ABCB9: variants seen among roughly 807,000 people sequenced by gnomAD.
The protein encoded by ABCB9 is ATP binding cassette subfamily B member 9.
Under a neutral mutation model 62.0 loss-of-function variants are expected in ABCB9, and 36 were observed. The ratio of observed to expected loss-of-function variants is 0.58; its 90% CI spans 0.45 to 0.77. The LOEUF (loss-of-function observed/expected upper bound fraction) is 0.77, where lower values mean the gene tolerates loss of function less well. ABCB9 is among the 30% of genes least tolerant of loss of function. The probability of loss-of-function intolerance (pLI) is 0.00; values close to 1 mark genes in which losing one functional copy is unlikely to be tolerated. For missense variants in ABCB9, 943 were observed against 1,054.7 expected, an observed-to-expected ratio of 0.89 and a Z score of 1.47; for synonymous variants, 435 against 461.4, an observed-to-expected ratio of 0.94 and a Z score of 0.73.
chr12:122,947,357 C>A lies in ABCB9; in HGVS notation c.1054-1135G>T. On this transcript the variant is annotated intron_variant, in intron 5 of 11. Coordinates refer to ENST00000280560, the MANE Select transcript of ABCB9 (RefSeq NM_019625.4). This position sits in a 1 kb window ranked among gnomAD's most constrained non-coding sequence, Gnocchi z 6.0. ...TCGGGAAGAGGTCCTACCTGTGTGGCTGGAGAAGACTGTGGGGAGTGGCCT... is the reference window on the plus strand; with the variant it reads ...TCGGGAAGAGGTCCTACCTGTGTGGATGGAGAAGACTGTGGGGAGTGGCCT... 1 of 331,906 alleles carries A rather than the reference C, an allele frequency of 3.0e-6. No individual in the cohort carries two copies. 20.6% of individuals were successfully genotyped at this position (331,906 alleles called of 1,614,324 possible).
rs142777722 is a variant in ABCB9 at position 122,930,078 on chromosome 12, C to A, written c.2134G>T (p.Val712Leu). Residue 712 changes from valine (V) to leucine (L), a missense_variant, in exon 12 of 12, where the codon GTG becomes TTG. Val to Leu is a conservative substitution (Grantham distance 32, BLOSUM62 1). Coordinates refer to ENST00000280560, the MANE Select transcript of ABCB9 (RefSeq NM_019625.4). The surrounding 1 kb of genome is among the most constrained non-coding windows in gnomAD (Gnocchi z 4.9). ...STVEHAHLIVVLDKGRVVQQG... is the reference protein window; with the variant it reads ...STVEHAHLIVLLDKGRVVQQG... ...TGCACTACGCGGCCCTTGTCCAGCA[C>A]CACAATGAGGTGCGCGTGCTCCACG... The A allele has an allele frequency of 1.5e-4, 228 of 1,564,708 alleles. No homozygotes were observed. Among genetic ancestry groups the A allele is most frequent in the Admixed American group, 1.3e-4 (7 of 52,232 alleles).
intron 7 of ABCB9, among the ~76,000 whole-genome samples, chr12:122,942,378 A>C (rs970555072): frequency 9.9e-5 from 15 of 152,010 alleles, no homozygotes; most frequent in Admixed American, 9.8e-4. Flanking sequence ...ATTTGAGGTC[A>C]GAAGTTCGAG....
rs1345549019 is a variant in ABCB9 at position 122,940,102 on chromosome 12, T to G, written c.1743+9A>C. The G allele has an allele frequency of 1.9e-6, 3 of 1,607,540 alleles. No individual in the cohort carries two copies. The highest frequency in any genetic ancestry group is 2.5e-6 in the Non-Finnish European group (3 of 1,177,290). ...GGCGGAGAAGTGTGGCCCAGGCCCG[T>G]GCACATACCACACGGTGCAAGTACT... On this transcript the variant is annotated intron_variant, in intron 9 of 11. Coordinates refer to ENST00000280560, the MANE Select transcript of ABCB9 (RefSeq NM_019625.4). The surrounding 1 kb of genome is among the most constrained non-coding windows in gnomAD (Gnocchi z 4.8).
Position 122,930,010 on chromosome 12 carries a change from G to A in ABCB9, c.2202C>T (p.Tyr734=), listed in dbSNP as rs759382689. The change falls in exon 12 of 12, where the codon TAC becomes TAT. Residue 734 remains tyrosine (Y), a synonymous_variant. Coordinates refer to ENST00000280560, the MANE Select transcript of ABCB9 (RefSeq NM_019625.4). This position sits in a 1 kb window ranked among gnomAD's most constrained non-coding sequence, Gnocchi z 4.9. ...HQQLLAQGGL[Y]AKLVQRQMLG... is the part of the protein sequence containing the mutation. Reference sequence around the variant, plus strand: ...GCATCTGCCGCTGCACCAGCTTGGCGTAGAGGCCGCCCTGGGCCAGCAGCT... The same window carrying A: ...GCATCTGCCGCTGCACCAGCTTGGCATAGAGGCCGCCCTGGGCCAGCAGCT... 29 of 1,574,376 alleles carry A rather than the reference G, an allele frequency of 1.8e-5. 1 individual carries two copies. The highest frequency in any genetic ancestry group is 1.7e-4 in the Middle Eastern group (1 of 5,864).
rs1348558071 is a variant in ABCB9, at chr12:122,932,518, A to T, written c.1904-190T>A. On this transcript the variant is annotated intron_variant, in intron 10 of 11. Transcript: ENST00000280560. The surrounding 1 kb of genome is among the most constrained non-coding windows in gnomAD (Gnocchi z 4.7). ...AGATTAAGCCTACATGCAAATTGAT[A>T]GCAAGTTACCAATTTTCACTCATTC... Among the ~76,000 whole-genome samples the T allele has an allele frequency of 6.6e-6, 1 of 152,216 alleles. No individual in the cohort carries two copies. The highest frequency in any genetic ancestry group is 1.9e-4 in the East Asian group (1 of 5,200).
intron 1 of ABCB9, among the ~76,000 whole-genome samples, chr12:122,971,599 G>A (rs2037271586): frequency 6.6e-6 from 1 of 151,854 alleles, no homozygotes; most frequent in Non-Finnish European, 1.5e-5. Flanking sequence ...GATCATAGGT[G>A]TGCCACCACA....
At chr12:122,969,174 A>AACC (rs2037242154), upstream of ABCB9, among the ~76,000 whole-genome samples, 2 of 138,378 alleles carry the variant, frequency 1.4e-5, no homozygotes, top group African/African-American at 2.7e-5. Flanking sequence ...CATCCTTTCC[A>AACC]CCCCCCCCCC....
intron 6 of ABCB9, among the ~76,000 whole-genome samples, chr12:122,945,547 A>C (rs1042139082): frequency 6.6e-6 from 1 of 152,056 alleles, no homozygotes; most frequent in Admixed American, 6.6e-5. Context: ...CTGCCACCCC[A>C]CGTCAGGTGA....
At chr12:122,922,010 G>A (rs908506834) in intron 11 of ABCB9, among the ~76,000 whole-genome samples, 3 of 152,074 alleles carry the variant, frequency 2.0e-5, no homozygotes, top group Non-Finnish European at 4.4e-5. Context: ...GAATAGAGGC[G>A]GCTAGGGAGG....
At chr12:122,961,151 A>G (rs1320243343) in intron 1 of ABCB9, among the ~76,000 whole-genome samples, 1 of 151,716 alleles carries the variant, frequency 6.6e-6, no homozygotes, top group Non-Finnish European at 1.5e-5. Context: ...GAGGGTGAAT[A>G]GGATAGGGGT....
chr12:122,943,510 G>C (rs546273567), intron 7 of ABCB9, among the ~76,000 whole-genome samples: 1 of 152,154 alleles, frequency 6.6e-6, no homozygotes, highest in African/African-American at 2.4e-5. Context: ...TCACTCCACC[G>C]CTCAGGTTCA....
rs751426495 is a variant in ABCB9, at chr12:122,938,989, C to T, written c.1743+1122G>A. 2.6e-5 allele frequency among the ~76,000 whole-genome samples: 4 copies of T among 151,982 alleles called. No individual in the cohort carries two copies. The East Asian group carries it at 5.8e-4, about 22-fold the overall frequency. ...GGGTTCGAGACCAGCCTGGGCAACACGGTGAAACCCTGTCTGTACTAAAAA... is the reference window on the plus strand; with the variant it reads ...GGGTTCGAGACCAGCCTGGGCAACATGGTGAAACCCTGTCTGTACTAAAAA... On this transcript the variant is annotated intron_variant, in intron 9 of 11. Coordinates refer to ENST00000280560, the MANE Select transcript of ABCB9 (RefSeq NM_019625.4).
chr12:122,950,833 C>T (rs944702969), intron 2 of ABCB9: 16 of 394,982 alleles, frequency 4.1e-5, no homozygotes, highest in Non-Finnish European at 7.1e-5. Flanking sequence ...AGCCAGGGCT[C>T]CTGCAGGATG....
intron 2 of ABCB9, chr12:122,952,965 T>C (rs536068869): frequency 6.6e-6 from 1 of 152,386 alleles, no homozygotes; most frequent in Admixed American, 6.5e-5. Flanking sequence ...TCAGATCTTG[T>C]TGCTCCTTGG....
At chr12:122,961,042 T>C (rs1402016408) in intron 1 of ABCB9, among the ~76,000 whole-genome samples, 1 of 149,572 alleles carries the variant, frequency 6.7e-6, no homozygotes, top group Admixed American at 6.7e-5. Flanking sequence ...CCAGCCCTGG[T>C]GACAGCAAGA....
In ABCB9 at chr12:122,961,525, C is replaced by A. The variant is rs370152847; in HGVS notation, c.-87-1203G>T. Among the ~76,000 whole-genome samples, 9 of 152,108 alleles carry A rather than the reference C, an allele frequency of 5.9e-5. No individual in the cohort carries two copies. The East Asian group carries it at 7.7e-4, about 13-fold the overall frequency. ...ATTTTAAATAGGGGGCCAGAGAAGA[C>A]CTCGCTGGGTAGGTAACACTTGAGC... On this transcript the variant is annotated intron_variant, in intron 1 of 11. Transcript: ENST00000280560.
At chr12:122,927,537 C>A (rs2034940909), downstream of ABCB9, among the ~76,000 whole-genome samples, 1 of 152,208 alleles carries the variant, frequency 6.6e-6, no homozygotes, top group Non-Finnish European at 1.5e-5. Context: ...CTGGAAGGTT[C>A]TTTTGTCTGC....
In ABCB9 at chr12:122,959,444, C is replaced by T. The variant is rs2036774261; in HGVS notation, c.601+191G>A. 6.6e-6 allele frequency among the ~76,000 whole-genome samples: 1 copy of T among 152,146 alleles called. No individual in the cohort carries two copies. Among genetic ancestry groups the T allele is most frequent in the South Asian group, 2.1e-4 (1 of 4,832 alleles). On this transcript the variant is annotated intron_variant, in intron 2 of 11. Coordinates refer to ENST00000280560, the MANE Select transcript of ABCB9 (RefSeq NM_019625.4). This position sits in a 1 kb window ranked among gnomAD's most constrained non-coding sequence, Gnocchi z 5.4. ...CAGGCTGGTTTTCAACTCCTGGGCT[C>T]AAGTGATCTTCCTACCTCAGCCTCC...
At chr12:122,939,218 A>G (rs2035612853) in intron 9 of ABCB9, among the ~76,000 whole-genome samples, 1 of 152,214 alleles carries the variant, frequency 6.6e-6, no homozygotes, top group African/African-American at 2.4e-5. Flanking sequence ...GAATGCATAA[A>G]TAATTGTGAT....
Sources: allele counts gnomAD v4.1 joint callset (sites outside exome capture counted in the v4.1 genomes callset), GRCh38; gene constraint gnomAD v4.1.1; non-coding constraint Gnocchi (gnomAD v3.1); transcripts MANE v1.5; gene names NCBI Gene and HGNC (gene_info 2026-07-23, HGNC 2026-07-21).